The following IMMP2L variants were observed in gnomAD, a reference collection of about 807,000 sequenced individuals.
The protein encoded by IMMP2L is inner mitochondrial membrane peptidase subunit 2.
In IMMP2L, 18 loss-of-function variants were observed where a neutral mutation model predicts 19.3. That is an observed-to-expected ratio of 0.93 (90% CI 0.64 to 1.38). The LOEUF is 1.38. Ranked by LOEUF, IMMP2L falls within the 40% of genes most tolerant of loss-of-function variation. The pLI is 0.00. For synonymous variants in IMMP2L, 76 were observed against 73.0 expected (o/e 1.04, Z -0.21); for missense variants, 233 against 218.2 (o/e 1.07, Z -0.43).
At chr7:111,325,411 A>T (rs930979981) in intron 3 of IMMP2L, among the ~76,000 whole-genome samples, 1 of 151,654 alleles carries the variant, frequency 6.6e-6, no homozygotes, top group Admixed American at 6.6e-5. Context: ...GCGCAAAATA[A>T]ATATAATGTT....
At chr7:111,260,984 G>A (rs1817256020) in intron 3 of IMMP2L, among the ~76,000 whole-genome samples, 1 of 151,914 alleles carries the variant, frequency 6.6e-6, no homozygotes, top group African/African-American at 2.4e-5. Context: ...AGGGATATTT[G>A]GAATCAGGAA....
At chr7:111,421,843 T>C (rs1001733061) in intron 3 of IMMP2L, among the ~76,000 whole-genome samples, 2 of 151,892 alleles carry the variant, frequency 1.3e-5, no homozygotes, top group Non-Finnish European at 2.9e-5. Context: ...CTAGGGTTTT[T>C]ATGGTTTTAG....
chr7:111,457,776 A>G (rs1431956763), intron 3 of IMMP2L, among the ~76,000 whole-genome samples: 1 of 143,152 alleles, frequency 7.0e-6, no homozygotes, highest in African/African-American at 2.6e-5. Context: ...ACAGAACCAT[A>G]CTATCTAGAT....
At chr7:111,384,972 T>G (rs1009662155) in intron 3 of IMMP2L, among the ~76,000 whole-genome samples, 7 of 152,154 alleles carry the variant, frequency 4.6e-5, no homozygotes, top group Non-Finnish European at 8.8e-5. Context: ...AGGAAATGAA[T>G]TTTTAGAAAA....
intron 5 of IMMP2L, among the ~76,000 whole-genome samples, chr7:110,882,760 TTC>T (rs1031399773): frequency 6.6e-5 from 10 of 151,102 alleles, no homozygotes; most frequent in Admixed American, 1.3e-4. Flanking sequence ...TTTTTGTTTT[TTC>T]TTTTTCTTTT....
At chr7:111,096,584 C>CA (rs1797424820) in intron 3 of IMMP2L, among the ~76,000 whole-genome samples, 1 of 151,084 alleles carries the variant, frequency 6.6e-6, no homozygotes, top group Non-Finnish European at 1.5e-5. Flanking sequence ...GTTCTACCTA[C>CA]TCATCCATAT....
intron 5 of IMMP2L, among the ~76,000 whole-genome samples, chr7:110,845,974 T>A (rs1805614834): frequency 1.3e-5 from 2 of 152,148 alleles, no homozygotes; most frequent in Admixed American, 1.3e-4. Flanking sequence ...AGCACACTCA[T>A]CTTGTACTTT....
intron 2 of IMMP2L, among the ~76,000 whole-genome samples, chr7:111,504,137 A>C (rs988249590): frequency 6.6e-6 from 1 of 152,170 alleles, no homozygotes; most frequent in Non-Finnish European, 1.5e-5. Context: ...AGGATACAAA[A>C]TCAATGCACA....
chr7:111,016,809 C>CTATATAATATATAATATATAT (rs1825674574), intron 3 of IMMP2L, among the ~76,000 whole-genome samples: 6 of 43,112 alleles, frequency 1.4e-4, no homozygotes, highest in Non-Finnish European at 2.7e-4. Context: ...ATAATATATA[C>CTATATAATATATAATATATAT]TATATATTAT....
chr7:111,545,058 CAT>C (rs1018907310), intron 1 of IMMP2L, among the ~76,000 whole-genome samples: 2 of 152,148 alleles, frequency 1.3e-5, no homozygotes, highest in South Asian at 2.1e-4. Context: ...CACACACACA[CAT>C]ACTCTCAGAG....
Position 110,833,036 on chromosome 7 carries a change from T to C in IMMP2L, c.408+53557A>G, listed in dbSNP as rs576651782. Among the ~76,000 whole-genome samples, 3 of 152,334 alleles carry C rather than the reference T, an allele frequency of 2.0e-5. 1 individual carries two copies. Among genetic ancestry groups the C allele is most frequent in the African/African-American group, 7.2e-5 (3 of 41,582 alleles). Reference sequence around the variant, plus strand: ...ATTCTACCTCATACATAAGATGTAATTAATTGTCATATTATGGCCTTGCTT... The same window carrying C: ...ATTCTACCTCATACATAAGATGTAACTAATTGTCATATTATGGCCTTGCTT... On this transcript the variant is annotated intron_variant, in intron 5 of 5. Transcript: ENST00000405709.
At chr7:110,881,366 G>A (rs539331436) in intron 5 of IMMP2L, among the ~76,000 whole-genome samples, 2 of 152,066 alleles carry the variant, frequency 1.3e-5, no homozygotes, top group African/African-American at 2.4e-5. Context: ...ACTGTTTATG[G>A]GAACCATGAG....
At chr7:111,026,914 T>C (rs1826891898) in intron 3 of IMMP2L, among the ~76,000 whole-genome samples, 1 of 152,122 alleles carries the variant, frequency 6.6e-6, no homozygotes, top group South Asian at 2.1e-4. Flanking sequence ...GAGATGCCTC[T>C]TGAGCTACCT....
intron 3 of IMMP2L, among the ~76,000 whole-genome samples, chr7:111,214,328 C>CTTTTTTTTTTTTTTTTT (rs1484229556): frequency 3.5e-5 from 3 of 85,106 alleles, no homozygotes; most frequent in Non-Finnish European, 6.8e-5. Flanking sequence ...AGTAATTTTT[C>CTTTTTTTTTTTTTTTTT]TTCTTTTTTT....
At chr7:111,048,238 CAAAAAAAAAAA>C (rs575701337) in intron 3 of IMMP2L, among the ~76,000 whole-genome samples, 7 of 18,342 alleles carry the variant, frequency 3.8e-4, no homozygotes, top group Admixed American at 1.9e-3. Flanking sequence ...GACTCTGTCT[CAAAAAAAAAAA>C]AAAAAAAAAA....
intron 3 of IMMP2L, among the ~76,000 whole-genome samples, chr7:111,465,075 G>A (rs1335212097): frequency 1.3e-5 from 2 of 152,010 alleles, no homozygotes; most frequent in Admixed American, 1.3e-4. Context: ...GATTACAGGT[G>A]TGAGCCACCG....
intron 5 of IMMP2L, among the ~76,000 whole-genome samples, chr7:110,706,817 T>C (rs1010616387): frequency 7.2e-5 from 11 of 152,066 alleles, no homozygotes; most frequent in Non-Finnish European, 1.3e-4. Flanking sequence ...CTATTGATAG[T>C]TTCTTTTGCT....
chr7:110,770,555 T>C (rs1165939783), intron 5 of IMMP2L, among the ~76,000 whole-genome samples: 1 of 152,226 alleles, frequency 6.6e-6, no homozygotes, highest in Non-Finnish European at 1.5e-5. Flanking sequence ...CTTGTCCCTG[T>C]CAAAATCCTT....
At chr7:110,940,186 G>A (rs1219041298) in intron 4 of IMMP2L, among the ~76,000 whole-genome samples, 1 of 151,970 alleles carries the variant, frequency 6.6e-6, no homozygotes. Flanking sequence ...AGGCATGGTG[G>A]CAGGTGCCTG....
Sources: gnomAD v4.1 joint callset for allele counts (sites outside exome capture counted in the v4.1 genomes callset) on GRCh38, gnomAD v4.1.1 for gene constraint, MANE v1.5 for transcripts, NCBI Gene and HGNC (gene_info 2026-07-23, HGNC 2026-07-21) for gene names.